ANXA8: variants seen among roughly 807,000 people sequenced by gnomAD.
The protein encoded by ANXA8 is annexin A8, also known as VAC-beta.
ANXA8 carries 9 observed loss-of-function variants against 26.8 expected under a neutral mutation model. That is an observed-to-expected ratio of 0.34 (90% CI 0.20 to 0.59). The LOEUF (loss-of-function observed/expected upper bound fraction) is 0.59. Ranked by LOEUF, ANXA8 falls within the 20% of genes least tolerant of loss-of-function variation. The pLI, the probability that ANXA8 is intolerant of heterozygous loss-of-function variation, is 0.84. For synonymous variants in ANXA8, 39 were observed against 94.8 expected (o/e 0.41, Z 3.42); for missense variants, 83 against 238.5 (o/e 0.35, Z 4.29).
At chr10:47,778,691 T>C in the ANXA8 span, among the ~76,000 whole-genome samples, 1 of 152,018 alleles carries the variant, frequency 6.6e-6, no homozygotes, top group East Asian at 1.9e-4. Context: ...TAAAGGCGCC[T>C]TTGAAATGTT....
the ANXA8 span, among the ~76,000 whole-genome samples, chr10:47,599,032 GT>G: frequency 6.9e-6 from 1 of 145,456 alleles, no homozygotes; most frequent in East Asian, 2.0e-4. Flanking sequence ...CTACAACTGT[GT>G]GTTAGGATTT....
chr10:47,900,666 GTT>G, the ANXA8 span, among the ~76,000 whole-genome samples: 204 of 105,448 alleles, frequency 1.9e-3, 1 homozygote, highest in East Asian at 3.6e-3. Flanking sequence ...TGATAAAATG[GTT>G]TTTTTTTTTT....
chr10:47,670,514 T>G, the ANXA8 span, among the ~76,000 whole-genome samples: 3 of 152,140 alleles, frequency 2.0e-5, no homozygotes, highest in East Asian at 3.8e-4. Context: ...CTCCACATTT[T>G]TGCCAACACT....
At chr10:47,685,381 A>AC in the ANXA8 span, among the ~76,000 whole-genome samples, 1 of 149,860 alleles carries the variant, frequency 6.7e-6, no homozygotes, top group East Asian at 2.0e-4. Context: ...AAAAAAACAC[A>AC]AAAAAACCTT....
the ANXA8 span, chr10:47,973,019 G>T: frequency 6.7e-6 from 1 of 149,398 alleles, no homozygotes; most frequent in African/African-American, 2.4e-5. Context: ...TTGTGGGGAG[G>T]GTATATAGGC....
the ANXA8 span, among the ~76,000 whole-genome samples, chr10:47,939,684 G>T: frequency 7.0e-6 from 1 of 142,864 alleles, no homozygotes; most frequent in African/African-American, 2.8e-5. Flanking sequence ...TTCCATCACA[G>T]TTATTCCTAT....
chr10:47,988,728 G>T, the ANXA8 span, among the ~76,000 whole-genome samples: 3 of 150,952 alleles, frequency 2.0e-5, no homozygotes, highest in African/African-American at 2.4e-5. Flanking sequence ...CTTCCACAGG[G>T]AGCCTAAGGG....
chr10:47,515,720 C>T, the ANXA8 span, among the ~76,000 whole-genome samples: 2 of 141,014 alleles, frequency 1.4e-5, 1 homozygote, highest in East Asian at 5.9e-4. Context: ...CCTTTCCAGG[C>T]CTGCTTTTAC....
chr10:47,561,340 T>C, the ANXA8 span, among the ~76,000 whole-genome samples: 8 of 151,502 alleles, frequency 5.3e-5, no homozygotes, highest in Non-Finnish European at 1.2e-4. Context: ...ACTCCTGAGC[T>C]CAAGTGATCC....
the ANXA8 span, among the ~76,000 whole-genome samples, chr10:47,733,118 ATTACCTGGTTACCCCAAC>A: frequency 1.3e-5 from 2 of 151,406 alleles, no homozygotes; most frequent in African/African-American, 4.9e-5. Context: ...ATTGGCCTAA[ATTACCTGGTTACCCCAAC>A]TCCCTAATCT....
chr10:47,776,881 C>T, the ANXA8 span, among the ~76,000 whole-genome samples: 3 of 151,492 alleles, frequency 2.0e-5, 1 homozygote, highest in African/African-American at 7.3e-5. Context: ...TTTTTTTCCC[C>T]ATCTTGTTGC....
chr10:47,682,514 G>A, the ANXA8 span, among the ~76,000 whole-genome samples: 1 of 144,222 alleles, frequency 6.9e-6, no homozygotes, highest in East Asian at 2.0e-4. Flanking sequence ...CTGTCGCCCA[G>A]GCTGGAGTAC....
the ANXA8 span, among the ~76,000 whole-genome samples, chr10:47,575,358 TTG>T: frequency 0.015 from 1,638 of 111,036 alleles, 14 homozygotes; most frequent in African/African-American, 0.057. Context: ...TGACTTGTAT[TTG>T]TATTTTTATC....
the ANXA8 span, among the ~76,000 whole-genome samples, chr10:47,664,372 C>T: frequency 6.6e-6 from 1 of 151,940 alleles, no homozygotes; most frequent in South Asian, 2.1e-4. Flanking sequence ...GAGTGAAACT[C>T]CATTTCAAAA....
At chr10:47,513,459 T>C in the ANXA8 span, among the ~76,000 whole-genome samples, 7 of 142,342 alleles carry the variant, frequency 4.9e-5, no homozygotes, top group Non-Finnish European at 1.1e-4. Flanking sequence ...ATGACCATAC[T>C]GCCAAAAGCA....
chr10:47,526,110 AT>A, the ANXA8 span, among the ~76,000 whole-genome samples: 1,922 of 117,310 alleles, frequency 0.016, 106 homozygotes, highest in Middle Eastern at 0.061. Flanking sequence ...TTTACTTTTT[AT>A]TTTTTTTTTT....
At chr10:47,510,690 C>A in the ANXA8 span, among the ~76,000 whole-genome samples, 1 of 118,952 alleles carries the variant, frequency 8.4e-6, no homozygotes, top group African/African-American at 3.6e-5. Flanking sequence ...ATTAGCCGGG[C>A]GTGGTAGCAG....
chr10:47,631,667 TA>T, the ANXA8 span, among the ~76,000 whole-genome samples: 1 of 150,492 alleles, frequency 6.6e-6, no homozygotes, highest in Non-Finnish European at 1.5e-5. Flanking sequence ...TTATTTAAGT[TA>T]TTTTTTTTAA....
At chr10:47,733,229 T>TTCTC in the ANXA8 span, among the ~76,000 whole-genome samples, 29 of 67,908 alleles carry the variant, frequency 4.3e-4, 2 homozygotes, top group East Asian at 1.1e-3. Context: ...TTCTCTTTCT[T>TTCTC]TCTCTCTTTC....
Sources: gnomAD v4.1 joint callset for allele counts (sites outside exome capture counted in the v4.1 genomes callset) on GRCh38, gnomAD v4.1.1 for gene constraint, MANE v1.5 for transcripts, NCBI Gene and HGNC (gene_info 2026-07-23, HGNC 2026-07-21) for gene names.